VIP: variants seen among roughly 807,000 people sequenced by gnomAD.
VIP encodes the protein VIP peptides.
A neutral mutation model predicts 20.1 loss-of-function variants in VIP; 18 were observed. The ratio of observed to expected loss-of-function variants is 0.90; its 90% CI spans 0.62 to 1.33. VIP has a LOEUF of 1.33. VIP is among the 40% of genes most tolerant of loss of function. The probability of loss-of-function intolerance (pLI) is 0.00; values close to 1 mark genes in which losing one functional copy is unlikely to be tolerated. For synonymous variants in VIP, 70 were observed against 68.1 expected, an observed-to-expected ratio of 1.03 and a Z score of -0.14; for missense variants, 209 against 199.4, an observed-to-expected ratio of 1.05 and a Z score of -0.29.
chr6:152,756,960 C>T (rs1583998070), intron 5 of VIP, 136 bp from the exon 6 acceptor site: 2 of 702,336 alleles, frequency 2.8e-6, no homozygotes, highest in East Asian at 2.8e-5. Context: ...TACTAACAAA[C>T]CTCAAAGATA....
rs757488702 is a variant in VIP at position 152,754,241 on chromosome 6, G to T, written c.183G>T (p.Leu61Phe). The change falls in exon 3 of 7, where the codon TTG becomes TTT. Residue 61 changes from leucine (L) to phenylalanine (F), a missense_variant. Transcript: ENST00000367244. ...CATTAAAAGAAGACATTGACATGTT[G>T]CAAAATGCATTAGCTGAAAATGACA... ...QVSLKEDIDM[L>F]QNALAENDTP... 1 of 1,611,656 alleles carries T rather than the reference G, an allele frequency of 6.2e-7. No individual in the cohort carries two copies.
intron 6 of VIP, among the ~76,000 whole-genome samples, chr6:152,758,460 T>A (rs1287049567): frequency 6.6e-6 from 1 of 152,022 alleles, no homozygotes; most frequent in African/African-American, 2.4e-5. Flanking sequence ...ATATAGCTTT[T>A]CTAAGAGTGT....
At chr6:152,753,899 C>A (rs1346756492) in intron 2 of VIP, among the ~76,000 whole-genome samples, 1 of 151,980 alleles carries the variant, frequency 6.6e-6, no homozygotes, top group African/African-American at 2.4e-5. Context: ...TTGCTTAATG[C>A]TCTGATAAGA....
At chr6:152,752,819 T>A (rs192492654) in intron 2 of VIP, among the ~76,000 whole-genome samples, 2 of 152,096 alleles carry the variant, frequency 1.3e-5, no homozygotes, top group Admixed American at 6.6e-5. Context: ...ACTCCCCCAA[T>A]AGGAAAATTT....
rs79691546 is a variant in VIP at position 152,751,414 on chromosome 6, A to C, written c.-11+455A>C. Among the ~76,000 whole-genome samples the C allele has an allele frequency of 7.9e-3, 1,200 of 152,244 alleles. 18 individuals are homozygous for C. The highest frequency in any genetic ancestry group is 0.028 in the African/African-American group (1,149 of 41,556). The stretch of plus-strand genomic sequence containing the variant: ...AATTTTTATAGGCAGCAAGAGAAAC[A>C]GACCTTACTCCTAGGCTTTTAATCT... On this transcript the variant is annotated intron_variant, in intron 1 of 6. Coordinates refer to ENST00000367244, the MANE Select transcript of VIP (RefSeq NM_003381.4).
intron 1 of VIP, 129 bp downstream of exon 1, chr6:152,751,088 G>C (rs139721338): frequency 6.6e-6 from 1 of 152,262 alleles, no homozygotes; most frequent in African/African-American, 2.4e-5. Flanking sequence ...CAAAAAACAA[G>C]TTTCTCAAGT....
chr6:152,751,187 C>T (rs928913434), intron 1 of VIP, among the ~76,000 whole-genome samples: 2 of 152,120 alleles, frequency 1.3e-5, no homozygotes, highest in Non-Finnish European at 2.9e-5. Context: ...ACCCTGCTTG[C>T]TCTTTTACTG....
At chr6:152,758,591 T>C (rs2099730763) in intron 6 of VIP, among the ~76,000 whole-genome samples, 2 of 152,044 alleles carry the variant, frequency 1.3e-5, no homozygotes, top group African/African-American at 4.8e-5. Flanking sequence ...CCATCCTCCA[T>C]TCTTTTCTTT....
chr6:152,751,515 T>G (rs1003190156), intron 1 of VIP, among the ~76,000 whole-genome samples: 7 of 152,124 alleles, frequency 4.6e-5, no homozygotes, highest in Non-Finnish European at 2.9e-5. Flanking sequence ...TATTTTCCTC[T>G]TATGGAAAAA....
At position 152,756,106 on chromosome 6, in the gene VIP, T is replaced by A. The variant is rs74760293; in HGVS notation, c.336-28T>A. 3 of 1,497,000 alleles carry A rather than the reference T, an allele frequency of 2.0e-6. No individual in the cohort carries two copies. In the Admixed American group the frequency reaches 6.7e-5, roughly 33 times the overall value. 92.7% of individuals were successfully genotyped at this position (1,497,000 alleles called of 1,614,324 possible). A position where few individuals can be genotyped will look rare whatever the true frequency, so the allele number is the denominator to read the frequency against. On this transcript the variant is annotated intron_variant, in intron 4 of 6. Coordinates refer to ENST00000367244, the MANE Select transcript of VIP (RefSeq NM_003381.4). ...ATTTATCATTTCTTGTGAAAACTCT[T>A]TGATTTCCTTTTCCTCATGTTCCTT...
chr6:152,754,851 T>C (rs770579946), intron 3 of VIP, among the ~76,000 whole-genome samples: 7 of 151,972 alleles, frequency 4.6e-5, no homozygotes, highest in Admixed American at 1.3e-4. Context: ...GTACTGGGGT[T>C]TATGAACTTT....
chr6:152,752,366 A>G, intron 2 of VIP, 82 bp downstream of exon 2: 1 of 1,149,598 alleles, frequency 8.7e-7, no homozygotes, highest in Non-Finnish European at 1.2e-6. Context: ...TTGGACAACT[A>G]AATAGTATAA....
intron 6 of VIP, 45 bp downstream of exon 6, chr6:152,757,229 T>G: frequency 7.6e-7 from 1 of 1,315,776 alleles, no homozygotes; most frequent in Admixed American, 1.9e-5. Context: ...TGGCTGTCTC[T>G]GATTATATAA....
intron 6 of VIP, among the ~76,000 whole-genome samples, chr6:152,757,670 A>T (rs1377744047): frequency 6.6e-6 from 1 of 151,958 alleles, no homozygotes; most frequent in Admixed American, 6.6e-5. Flanking sequence ...GGGTCTAACT[A>T]TATTCCTTGA....
chr6:152,756,822 GT>G (rs2099730500), intron 5 of VIP, among the ~76,000 whole-genome samples: 1 of 151,664 alleles, frequency 6.6e-6, no homozygotes, highest in African/African-American at 2.4e-5. Flanking sequence ...AATTGTTTTT[GT>G]TTAAGTGATG....
Position 152,755,374 on chromosome 6 carries a change from G to A in VIP, c.335+1G>A. The A allele has an allele frequency of 3.3e-6, 5 of 1,506,776 alleles. No individual in the cohort carries two copies. The highest frequency in any genetic ancestry group is 3.6e-6 in the Non-Finnish European group (4 of 1,116,956). 93.3% of individuals were successfully genotyped at this position (1,506,776 alleles called of 1,614,324 possible). ...AGTCTCTTATGGGAAAACGTGTTAG[G>A]TAAAGAGAATTTATTATTTTTATAA... is the stretch of plus-strand genomic sequence containing the variant. On this transcript the variant is annotated splice_donor_variant, in intron 4 of 6. Coordinates refer to ENST00000367244, the MANE Select transcript of VIP (RefSeq NM_003381.4). LOFTEE classifies it high-confidence loss of function.
chr6:152,757,076 A>G lies in VIP; in HGVS notation c.468-20A>G. On this transcript the variant is annotated intron_variant, in intron 5 of 6. Coordinates refer to ENST00000367244, the MANE Select transcript of VIP (RefSeq NM_003381.4). ...CTCATCTGAGAGCCTTAATATGTAC[A>G]ATGTTTTTCTGGTCTGCAGCAGTGA... is the stretch of plus-strand genomic sequence containing the variant. 6.2e-7 allele frequency: 1 copy of G among 1,611,214 alleles called. No homozygotes were observed. The highest frequency in any genetic ancestry group is 8.5e-7 in the Non-Finnish European group (1 of 1,178,316).
At position 152,757,121 on chromosome 6, in the gene VIP, C is replaced by T; in HGVS notation, c.493C>T (p.Pro165Ser). The part of the protein sequence containing the change: ...RSSEGESPDF[P>S]EELEK ...CAGTGAGGGAGAATCTCCCGACTTT[C>T]CAGAAGAGTTAGAAAAATGATGAAA... Residue 165 changes from proline to serine, a missense_variant, in exon 6 of 7, where the codon CCA becomes TCA. By Grantham distance (74) the Pro-to-Ser change is moderately conservative. Transcript: ENST00000367244. The T allele has an allele frequency of 1.2e-6, 2 of 1,611,842 alleles. No individual in the cohort carries two copies. The highest frequency in any genetic ancestry group is 8.5e-7 in the Non-Finnish European group (1 of 1,178,678).
chr6:152,754,382 T>C, intron 3 of VIP, 94 bp downstream of exon 3: 3 of 1,229,680 alleles, frequency 2.4e-6, no homozygotes, highest in Non-Finnish European at 3.4e-6. Flanking sequence ...ACCATGAAGC[T>C]ATTCCGATAG....
Sources: allele counts gnomAD v4.1 joint callset (sites outside exome capture counted in the v4.1 genomes callset), GRCh38; gene constraint gnomAD v4.1.1; transcripts MANE v1.5; gene names NCBI Gene and HGNC (gene_info 2026-07-23, HGNC 2026-07-21).